NHSL3: variants seen among roughly 807,000 people sequenced by gnomAD.
NHSL3 encodes NHS like 3, also known as NHS-like protein 3.
At chr1:32,747,866 G>A in the NHSL3 span, among the ~76,000 whole-genome samples, 1 of 152,004 alleles carries the variant, frequency 6.6e-6, no homozygotes, top group Non-Finnish European at 1.5e-5. Flanking sequence ...CAGTGCTTTC[G>A]GGGGCCAAGG....
the NHSL3 span, among the ~76,000 whole-genome samples, chr1:32,761,992 T>A: frequency 0.055 from 8,415 of 152,298 alleles, 310 homozygotes; most frequent in Non-Finnish European, 0.085. Flanking sequence ...GTGAGAATAC[T>A]GCTTTGCCAT....
the NHSL3 span, among the ~76,000 whole-genome samples, chr1:32,749,915 C>G: frequency 1.3e-5 from 2 of 152,170 alleles, no homozygotes; most frequent in Non-Finnish European, 1.5e-5. Context: ...AATCTGCATT[C>G]TCTTGTCAGC....
At chr1:32,762,342 G>A in the NHSL3 span, among the ~76,000 whole-genome samples, 19 of 152,106 alleles carry the variant, frequency 1.2e-4, no homozygotes, top group Admixed American at 4.6e-4. Flanking sequence ...CCTTAGGCAC[G>A]GCTGGTGGGA....
At chr1:32,751,413 A>G in the NHSL3 span, among the ~76,000 whole-genome samples, 1 of 152,206 alleles carries the variant, frequency 6.6e-6, no homozygotes, top group Admixed American at 6.5e-5. Flanking sequence ...TATTAAACAC[A>G]TAGGTACACC....
At chr1:32,765,676 C>A in the NHSL3 span, 2 of 1,537,582 alleles carry the variant, frequency 1.3e-6, no homozygotes, top group Non-Finnish European at 1.7e-6. Context: ...GGGCTCGCAT[C>A]CCCATAGTGC....
At chr1:32,762,372 T>A in the NHSL3 span, among the ~76,000 whole-genome samples, 1 of 152,084 alleles carries the variant, frequency 6.6e-6, no homozygotes, top group Non-Finnish European at 1.5e-5. Flanking sequence ...GATACATATA[T>A]ATAGTTCACA....
the NHSL3 span, among the ~76,000 whole-genome samples, chr1:32,763,740 T>G: frequency 6.6e-6 from 1 of 151,840 alleles, no homozygotes; most frequent in Non-Finnish European, 1.5e-5. Flanking sequence ...CCCGGCTAAT[T>G]TTTTTGTACT....
At chr1:32,766,355 G>C in the NHSL3 span, among the ~76,000 whole-genome samples, 1 of 152,126 alleles carries the variant, frequency 6.6e-6, no homozygotes, top group Admixed American at 6.5e-5. Flanking sequence ...GAGTTTATTG[G>C]ACTTTTGAGG....
chr1:32,761,700 G>A, the NHSL3 span, among the ~76,000 whole-genome samples: 1 of 152,230 alleles, frequency 6.6e-6, no homozygotes, highest in East Asian at 1.9e-4. Context: ...TGAGGACAGA[G>A]ACTACGTTTT....
At chr1:32,771,564 C>T in the NHSL3 span, 2 of 1,608,444 alleles carry the variant, frequency 1.2e-6, no homozygotes, top group South Asian at 1.1e-5. Flanking sequence ...AGGCTTTTTT[C>T]TCTGTGGCCA....
At chr1:32,765,627 C>G in the NHSL3 span, 1 of 1,524,204 alleles carries the variant, frequency 6.6e-7, no homozygotes, top group Non-Finnish European at 8.8e-7. Context: ...GCCCCTCCCC[C>G]TCCTCTGTCT....
the NHSL3 span, chr1:32,765,656 C>CG: frequency 6.5e-7 from 1 of 1,529,474 alleles, no homozygotes; most frequent in Non-Finnish European, 8.7e-7. Context: ...TGCTCTGCGG[C>CG]GGGGCGGGAG....
chr1:32,772,489 G>A, the NHSL3 span: 43 of 1,504,936 alleles, frequency 2.9e-5, no homozygotes, highest in Non-Finnish European at 3.6e-5. Context: ...ATGATGGGAA[G>A]TAGGAATCTG....
the NHSL3 span, among the ~76,000 whole-genome samples, chr1:32,747,395 G>A: frequency 3.9e-5 from 6 of 151,986 alleles, no homozygotes; most frequent in Admixed American, 3.9e-4. Context: ...GGCTGGTCTC[G>A]AACTCCTGAC....
the NHSL3 span, chr1:32,769,969 C>T: frequency 3.7e-6 from 6 of 1,607,276 alleles, no homozygotes; most frequent in African/African-American, 1.3e-5. Flanking sequence ...CGGCCGCCCC[C>T]GAGGCACCTC....
chr1:32,771,923 C>T, the NHSL3 span: 1 of 1,597,950 alleles, frequency 6.3e-7, no homozygotes, highest in Non-Finnish European at 8.5e-7. Context: ...CTGCGAAGGG[C>T]CCTGTCAGGG....
the NHSL3 span, among the ~76,000 whole-genome samples, chr1:32,752,176 T>C: frequency 3.3e-5 from 5 of 152,202 alleles, no homozygotes; most frequent in African/African-American, 1.2e-4. Flanking sequence ...ATATTTTCTA[T>C]GGGTGAATAA....
chr1:32,746,106 C>T, the NHSL3 span, among the ~76,000 whole-genome samples: 1 of 151,716 alleles, frequency 6.6e-6, no homozygotes, highest in South Asian at 2.1e-4. Context: ...TGTCGGGCGC[C>T]TGTAGTCCCA....
the NHSL3 span, among the ~76,000 whole-genome samples, chr1:32,764,457 C>T: frequency 2.6e-5 from 4 of 151,834 alleles, no homozygotes; most frequent in Non-Finnish European, 5.9e-5. Flanking sequence ...TGGATACAAC[C>T]ATCTTGTTTT....
Sources: gnomAD v4.1 joint callset for allele counts (sites outside exome capture counted in the v4.1 genomes callset) on GRCh38, gnomAD v4.1.1 for gene constraint, MANE v1.5 for transcripts, NCBI Gene and HGNC (gene_info 2026-07-23, HGNC 2026-07-21) for gene names.